The following ADAM19 variants were observed in gnomAD, a reference collection of about 807,000 sequenced individuals.
ADAM19 encodes disintegrin and metalloproteinase domain-containing protein 19.
Under a neutral mutation model 114.7 loss-of-function variants are expected in ADAM19, and 65 were observed. The observed-to-expected ratio is 0.57, with a 90% CI of 0.46 to 0.70. ADAM19 has a LOEUF of 0.70. Among genes scored for constraint, ADAM19 ranks in the 30% least tolerant of loss-of-function variants. The pLI is 0.00. For synonymous variants in ADAM19, 466 were observed against 460.5 expected (o/e 1.01, Z -0.15); for missense variants, 1,063 against 1,204.7 (o/e 0.88, Z 1.74).
At chr5:157,538,934 G>A (rs948240472) in intron 3 of ADAM19, among the ~76,000 whole-genome samples, 3 of 152,102 alleles carry the variant, frequency 2.0e-5, no homozygotes, top group Non-Finnish European at 4.4e-5. Context: ...GGAGACTGAG[G>A]TGGGCAGATC....
chr5:157,546,873 C>T lies in ADAM19; in HGVS notation c.252-8882G>A, dbSNP rs78799493. Among the ~76,000 whole-genome samples, 456 of 152,282 alleles carry T rather than the reference C, an allele frequency of 3.0e-3. 1 individual carries two copies. The highest frequency in any genetic ancestry group is 0.01 in the African/African-American group (433 of 41,546). Reference sequence around the variant, plus strand: ...CTCCTTCAACCGGCTGAGGAAAGTCCGGCCCAGCTCCACCTACTCAATGAT... The same window carrying T: ...CTCCTTCAACCGGCTGAGGAAAGTCTGGCCCAGCTCCACCTACTCAATGAT... On this transcript the variant is annotated intron_variant, in intron 3 of 22. Transcript: ENST00000257527.
chr5:157,572,615 T>C (rs1561562815), intron 1 of ADAM19, among the ~76,000 whole-genome samples: 1 of 152,204 alleles, frequency 6.6e-6, no homozygotes, highest in Admixed American at 6.5e-5. Flanking sequence ...AATAATCTTA[T>C]TGGACCAACA....
rs1307752947 is a variant in ADAM19 at position 157,507,075 on chromosome 5, T to C, written c.971A>G (p.Gln324Arg). Reference sequence around the variant, plus strand: ...ACTCACCATGTTGACTCCTCCAGACTGGTACACAGAGCACATGGCCATGAG... The same window carrying C: ...ACTCACCATGTTGACTCCTCCAGACCGGTACACAGAGCACATGGCCATGAG... The part of the protein sequence containing the change: ...APLMAMCSVY[Q>R]SGGVNMDHSE... Residue 324 changes from glutamine (Q) to arginine (R), a missense_variant, in exon 10 of 23, where the codon CAG becomes CGG. Gln to Arg is a conservative substitution (Grantham distance 43, BLOSUM62 1). Around this residue, in one of 3 missense-constraint regions of ADAM19, gnomAD observed 615 missense variants for 706.3 expected, o/e 0.87. Transcript: ENST00000257527. The C allele has an allele frequency of 3.1e-6, 5 of 1,613,994 alleles. No homozygotes were observed. In the Admixed American group the frequency reaches 8.3e-5, roughly 27 times the overall value.
chr5:157,540,557 C>T (rs1741892011), intron 3 of ADAM19, among the ~76,000 whole-genome samples: 1 of 152,160 alleles, frequency 6.6e-6, no homozygotes, highest in Admixed American at 6.5e-5. Context: ...TGTAGTCAAA[C>T]CCCAATTACA....
chr5:157,554,418 G>A (rs1160491112), intron 3 of ADAM19, among the ~76,000 whole-genome samples: 1 of 152,262 alleles, frequency 6.6e-6, no homozygotes, highest in African/African-American at 2.4e-5. Context: ...CCTGGAAGGA[G>A]AGCCGGAACC....
chr5:157,481,770 G>A (rs763498302), intron 22 of ADAM19, 21 bp downstream of exon 22: 2 of 1,561,522 alleles, frequency 1.3e-6, no homozygotes, highest in Non-Finnish European at 1.7e-6. Context: ...CTTTCACCTT[G>A]AGGGCTTCCC....
intron 21 of ADAM19, among the ~76,000 whole-genome samples, chr5:157,486,120 G>T (rs28418372): frequency 0.021 from 3,204 of 152,324 alleles, 119 homozygotes; most frequent in African/African-American, 0.072. Flanking sequence ...ACTGGAGACT[G>T]TGAGTGGCCC....
At chr5:157,528,280 T>C (rs1756527971) in intron 5 of ADAM19, among the ~76,000 whole-genome samples, 1 of 152,088 alleles carries the variant, frequency 6.6e-6, no homozygotes, top group Admixed American at 6.5e-5. Context: ...GACGGAAGCA[T>C]GCAAAACAGA....
chr5:157,545,491 C>G (rs150820354), intron 3 of ADAM19, among the ~76,000 whole-genome samples: 1 of 152,240 alleles, frequency 6.6e-6, no homozygotes, highest in East Asian at 1.9e-4. Flanking sequence ...CTTTCCAAAC[C>G]TTAGTTTTTC....
chr5:157,540,993 T>C (rs568025824), intron 3 of ADAM19, among the ~76,000 whole-genome samples: 9 of 152,094 alleles, frequency 5.9e-5, no homozygotes, highest in Non-Finnish European at 1.2e-4. Flanking sequence ...CCCAGACTCA[T>C]GAATCAGACA....
At chr5:157,516,596 C>T (rs1756097134) in intron 7 of ADAM19, among the ~76,000 whole-genome samples, 1 of 152,200 alleles carries the variant, frequency 6.6e-6, no homozygotes, top group Non-Finnish European at 1.5e-5. Flanking sequence ...CACCTTTAAA[C>T]AGAGCAGCTG....
At chr5:157,487,003 G>A (rs1754956792) in intron 21 of ADAM19, among the ~76,000 whole-genome samples, 1 of 152,116 alleles carries the variant, frequency 6.6e-6, no homozygotes, top group Non-Finnish European at 1.5e-5. Flanking sequence ...CAGCAAGAGG[G>A]CGGCCACCTG....
At chr5:157,565,675 C>T (rs1299056037) in intron 2 of ADAM19, among the ~76,000 whole-genome samples, 1 of 150,364 alleles carries the variant, frequency 6.7e-6, no homozygotes, top group Admixed American at 6.6e-5. Context: ...CGCCACTGCA[C>T]TCCAGCCTGG....
intron 13 of ADAM19, among the ~76,000 whole-genome samples, chr5:157,497,590 C>CACACACACACAT (rs372261868): frequency 0.12 from 17,668 of 151,356 alleles, 1,345 homozygotes; most frequent in African/African-American, 0.21. Context: ...CACACACACA[C>CACACACACACAT]ACACACACAA....
chr5:157,525,841 C>T (rs1756437442), intron 5 of ADAM19, among the ~76,000 whole-genome samples: 1 of 152,202 alleles, frequency 6.6e-6, no homozygotes, highest in African/African-American at 2.4e-5. Context: ...CCCTCTCTCC[C>T]TCTCTCACAG....
intron 4 of ADAM19, among the ~76,000 whole-genome samples, chr5:157,534,229 A>G (rs567812644): frequency 6.6e-6 from 1 of 152,284 alleles, no homozygotes; most frequent in South Asian, 2.1e-4. Context: ...GCACTTTGGG[A>G]GGCCGAGGCA....
intron 3 of ADAM19, among the ~76,000 whole-genome samples, chr5:157,548,304 C>T (rs779805845): frequency 3.9e-5 from 6 of 152,186 alleles, no homozygotes; most frequent in Admixed American, 1.3e-4. Flanking sequence ...CCCTCTACTA[C>T]GTTCTAAGCC....
Position 157,478,812 on chromosome 5 carries a change from T to C in ADAM19, c.*2137A>G, listed in dbSNP as rs1218625992. 7 of 985,770 alleles carry C rather than the reference T, an allele frequency of 7.1e-6. No homozygotes were observed. The highest frequency in any genetic ancestry group is 1.7e-5 in the African/African-American group (1 of 57,222). 61.1% of individuals were successfully genotyped at this position (985,770 alleles called of 1,614,324 possible). On this transcript the variant is annotated 3_prime_UTR_variant, in exon 23 of 23. Transcript: ENST00000257527. ...GAAAACGACAACCCAGGTCTCTTTC[T>C]GGTGTGGTTCCAGGGAGGGTGGACT...
intron 14 of ADAM19, among the ~76,000 whole-genome samples, chr5:157,496,573 C>T (rs901463272): frequency 6.6e-6 from 1 of 152,144 alleles, no homozygotes; most frequent in Non-Finnish European, 1.5e-5. Flanking sequence ...ACTTTGCTTT[C>T]CCTTAATATG....
Sources: allele counts gnomAD v4.1 joint callset (sites outside exome capture counted in the v4.1 genomes callset), GRCh38; gene constraint gnomAD v4.1.1; regional missense constraint gnomAD v4.1.1; transcripts MANE v1.5; gene names NCBI Gene and HGNC (gene_info 2026-07-23, HGNC 2026-07-21).